STARD9: variants seen among roughly 807,000 people sequenced by gnomAD.
STARD9 encodes the protein StAR related lipid transfer domain containing 9, also known as stAR-related lipid transfer protein 9.
In STARD9, 346 loss-of-function variants were observed where a neutral mutation model predicts 399.8. The observed-to-expected ratio is 0.87, with a 90% CI of 0.79 to 0.95. The LOEUF is 0.95. Ranked by LOEUF, STARD9 falls within the 40% of genes least tolerant of loss-of-function variation. The pLI, the probability that STARD9 is intolerant of heterozygous loss-of-function variation, is 0.00. For missense variants in STARD9, 5,832 were observed against 5,667.5 expected (o/e 1.03, Z -0.93); for synonymous variants, 2,203 against 2,143.5 (o/e 1.03, Z -0.77).
intron 9 of STARD9, among the ~76,000 whole-genome samples, chr15:42,654,728 G>A (rs1209990374): frequency 2.0e-5 from 3 of 151,988 alleles, no homozygotes. Flanking sequence ...CCAAGGAGGT[G>A]AAAGACCTGT....
chr15:42,686,023 G>C lies in STARD9; in HGVS notation c.4445G>C (p.Arg1482Thr). 6.5e-7 allele frequency: 1 copy of C among 1,537,308 alleles called. No individual in the cohort carries two copies. The highest frequency in any genetic ancestry group is 1.2e-5 in the South Asian group (1 of 84,058). The change falls in exon 23 of 33, where the codon AGG (arginine) becomes ACG (threonine). Residue 1482 changes from arginine (R) to threonine (T), a missense_variant. Arg to Thr is a moderately conservative substitution (Grantham distance 71). This residue lies in a region of STARD9 where 5,828 missense variants were observed against 5,651.1 expected (regional missense o/e 1.03). Coordinates refer to ENST00000290607, the MANE Select transcript of STARD9 (RefSeq NM_020759.3). ...ACTCATGTAGGCAGCACCCATGAAAGGGATTGGTCTGCCCTTCAGCAGAAG... is the reference window on the plus strand; with the variant it reads ...ACTCATGTAGGCAGCACCCATGAAACGGATTGGTCTGCCCTTCAGCAGAAG... ...TLTHVGSTHERDWSALQQKYL... is the reference protein window; with the variant it reads ...TLTHVGSTHETDWSALQQKYL...
At chr15:42,577,005 GT>G (rs975395380) in intron 1 of STARD9, among the ~76,000 whole-genome samples, 4 of 152,084 alleles carry the variant, frequency 2.6e-5, no homozygotes, top group South Asian at 2.1e-4. Flanking sequence ...GCTGGGGGGG[GT>G]TTTATAAGTG....
rs1234195103 is a variant in STARD9 at position 42,663,410 on chromosome 15, A to C, written c.998A>C (p.Tyr333Ser). 2.6e-6 allele frequency: 4 copies of C among 1,537,312 alleles called. No homozygotes were observed. The South Asian group carries it at 4.8e-5, about 18-fold the overall frequency. ...SGGAPSRRQS[Y>S]IPYRDSVLTW... ...GGGGCACCCTCCCGAAGGCAGTCTT[A>C]TATCCCATACCGAGACTCTGTGTTG... Residue 333 changes from tyrosine (Y) to serine (S), a missense_variant, in exon 12 of 33, where the codon TAT becomes TCT. Transcript: ENST00000290607.
chr15:42,640,696 C>T (rs1389688945), intron 7 of STARD9, among the ~76,000 whole-genome samples: 1 of 151,480 alleles, frequency 6.6e-6, no homozygotes, highest in East Asian at 1.9e-4. Context: ...TGGCACACAC[C>T]TATAGTCCCA....
chr15:42,662,546 G>A (rs888149570), intron 10 of STARD9, among the ~76,000 whole-genome samples: 3 of 152,158 alleles, frequency 2.0e-5, no homozygotes, highest in African/African-American at 7.2e-5. Context: ...TTAGCATAAA[G>A]TGTTCTGACA....
At chr15:42,711,952 C>T (rs2061231877) in intron 26 of STARD9, among the ~76,000 whole-genome samples, 1 of 143,968 alleles carries the variant, frequency 6.9e-6, no homozygotes, top group South Asian at 2.2e-4. Flanking sequence ...TCCGTCCTCA[C>T]CAACAGTTGC....
rs1409347538 is a variant in STARD9 at position 42,588,798 on chromosome 15, T to G, written c.234+3161T>G. Among the ~76,000 whole-genome samples the G allele has an allele frequency of 3.4e-4, 13 of 38,776 alleles. No homozygotes were observed. The South Asian group carries it at 5.2e-3, about 16-fold the overall frequency. 25.4% of individuals were successfully genotyped at this position (38,776 alleles called of 152,430 possible). A position where few individuals can be genotyped will look rare whatever the true frequency, so the allele number is the denominator to read the frequency against. ...AGCGTTTTTTTTTTTTTTTTTTTTT[T>G]TTTTTTTTTTTTTTTTTGGAGTGGG... is the stretch of plus-strand genomic sequence containing the variant. On this transcript the variant is annotated intron_variant, in intron 3 of 32. Coordinates refer to ENST00000290607, the MANE Select transcript of STARD9 (RefSeq NM_020759.3).
chr15:42,692,994 C>G lies in STARD9; in HGVS notation c.11416C>G (p.Pro3806Ala), dbSNP rs1429778992. The change falls in exon 23 of 33, where the codon CCC becomes GCC. Residue 3806 changes from proline to alanine, a missense_variant. Around this residue, in one of 2 missense-constraint regions of STARD9, gnomAD observed 5,828 missense variants for 5,651.1 expected, o/e 1.03. Transcript: ENST00000290607. ...CCTCTATCTTCAGGAAGAAAGCACT[C>G]CCTACAAGCCCCAGAGCCCTTCAAT... ...QLLYLQEESTPYKPQSPSIPS... is the reference protein window; with the variant it reads ...QLLYLQEESTAYKPQSPSIPS... 3 of 1,537,210 alleles carry G rather than the reference C, an allele frequency of 2.0e-6. No individual in the cohort carries two copies. Among genetic ancestry groups the G allele is most frequent in the Non-Finnish European group, 2.6e-6 (3 of 1,146,912 alleles).
rs113753273 is a variant in STARD9 at position 42,637,761 on chromosome 15, T to C, written c.352-146T>C. The C allele has an allele frequency of 7.7e-5, 59 of 761,948 alleles. No homozygotes were observed. In the African/African-American group the frequency reaches 8.5e-4, roughly 11 times the overall value. 47.2% of individuals were successfully genotyped at this position (761,948 alleles called of 1,614,324 possible). A position where few individuals can be genotyped will look rare whatever the true frequency, so the allele number is the denominator to read the frequency against. On this transcript the variant is annotated intron_variant, in intron 4 of 32. Transcript: ENST00000290607. Reference sequence around the variant, plus strand: ...ACTGGCACATAAAAGTCTTCTATATTCCCCAGTGAAACTGCCTGGAGTGAA... The same window carrying C: ...ACTGGCACATAAAAGTCTTCTATATCCCCCAGTGAAACTGCCTGGAGTGAA...
chr15:42,649,862 C>CCT (rs1555397138), intron 7 of STARD9, among the ~76,000 whole-genome samples: 1 of 107,228 alleles, frequency 9.3e-6, no homozygotes, highest in African/African-American at 4.0e-5. Context: ...CGAGCCTGGC[C>CCT]TTTTTTTTTT....
At chr15:42,637,623 C>A (rs1188918309) in intron 4 of STARD9, among the ~76,000 whole-genome samples, 1 of 152,176 alleles carries the variant, frequency 6.6e-6, no homozygotes, top group Non-Finnish European at 1.5e-5. Context: ...ATAATGTAAT[C>A]TTCATTGCAT....
At chr15:42,639,120 G>T (rs772781119) in intron 7 of STARD9, among the ~76,000 whole-genome samples, 12 of 152,224 alleles carry the variant, frequency 7.9e-5, no homozygotes, top group Non-Finnish European at 1.8e-4. Context: ...TGATCAGGAA[G>T]AGCTTCTCTG....
chr15:42,627,219 C>T (rs1302307941), intron 3 of STARD9, among the ~76,000 whole-genome samples: 2 of 152,216 alleles, frequency 1.3e-5, no homozygotes, highest in African/African-American at 4.8e-5. Flanking sequence ...TTGCTTGAGC[C>T]TGGGAAGTTG....
Position 42,661,161 on chromosome 15 carries a change from A to G in STARD9, c.706A>G (p.Ile236Val), listed in dbSNP as rs1321756784. ...CTTTAAATGTTTTCTCCTCTAGGCA[A>G]TCCTGGAGAACAACCTCCCTTCTGA... is the stretch of plus-strand genomic sequence containing the variant. ...AIFTIHYTQA[I>V]LENNLPSEMA... Residue 236 changes from isoleucine to valine, a missense_variant, in exon 10 of 33, where the codon ATC (isoleucine) becomes GTC (valine). Transcript: ENST00000290607. The G allele has an allele frequency of 2.6e-6, 4 of 1,535,696 alleles. No homozygotes were observed. Among genetic ancestry groups the G allele is most frequent in the African/African-American group, 1.4e-5 (1 of 73,000 alleles).
At chr15:42,672,481 C>A (rs955756462) in intron 16 of STARD9, 6 of 152,220 alleles carry the variant, frequency 3.9e-5, no homozygotes, top group African/African-American at 7.2e-5. Flanking sequence ...TAGCCTTTAT[C>A]TTTTTGGAAG....
chr15:42,605,705 C>T (rs1032949747), intron 3 of STARD9, among the ~76,000 whole-genome samples: 1 of 152,160 alleles, frequency 6.6e-6, no homozygotes. Context: ...TGGGGATATG[C>T]GCTGAATTGG....
chr15:42,688,771 G>A lies in STARD9; in HGVS notation c.7193G>A (p.Gly2398Glu). ...RSHSPEGNVR[G>E]RSSEAHTAWC... The stretch of plus-strand genomic sequence containing the variant: ...CACAGCCCCGAAGGAAATGTTAGAG[G>A]GCGTTCCTCTGAGGCACACACTGCC... The change falls in exon 23 of 33, where the codon GGG becomes GAG. Residue 2398 changes from glycine to glutamate, a missense_variant. Transcript: ENST00000290607. The A allele has an allele frequency of 2.0e-6, 3 of 1,537,614 alleles. No homozygotes were observed. The highest frequency in any genetic ancestry group is 2.6e-6 in the Non-Finnish European group (3 of 1,147,000).
At chr15:42,664,297 T>A (rs903577153) in intron 13 of STARD9, among the ~76,000 whole-genome samples, 1 of 152,088 alleles carries the variant, frequency 6.6e-6, no homozygotes, top group African/African-American at 2.4e-5. Flanking sequence ...TCTAAGAAAG[T>A]TCATTTAAAA....
intron 3 of STARD9, among the ~76,000 whole-genome samples, chr15:42,624,692 G>T (rs958627604): frequency 1.5e-4 from 23 of 151,078 alleles, no homozygotes; most frequent in African/African-American, 5.6e-4. Context: ...GGGACTACAG[G>T]CATGCGCCAC....
Sources: allele counts gnomAD v4.1 joint callset (sites outside exome capture counted in the v4.1 genomes callset), GRCh38; gene constraint gnomAD v4.1.1; regional missense constraint gnomAD v4.1.1; transcripts MANE v1.5; gene names NCBI Gene and HGNC (gene_info 2026-07-23, HGNC 2026-07-21).